Variants in LUZP2 observed in about 807,000 individuals in gnomAD.
LUZP2 encodes the protein leucine zipper protein 2.
In LUZP2, 52 loss-of-function variants were observed where a neutral mutation model predicts 51.6. That is an observed-to-expected ratio of 1.01 (90% CI 0.81 to 1.27). The LOEUF is 1.27. Among genes scored for constraint, LUZP2 ranks in the 50% most tolerant of loss-of-function variants. The pLI, the probability that LUZP2 is intolerant of heterozygous loss-of-function variation, is 0.00. For missense variants in LUZP2, 436 were observed against 395.4 expected, an observed-to-expected ratio of 1.10 and a Z score of -0.87; for synonymous variants, 154 against 137.3, an observed-to-expected ratio of 1.12 and a Z score of -0.85.
Position 24,833,316 on chromosome 11 carries a change from T to A in LUZP2, c.396+70008T>A, listed in dbSNP as rs528063038. 7.2e-5 allele frequency among the ~76,000 whole-genome samples: 11 copies of A among 152,278 alleles called. No homozygotes were observed. The South Asian group carries it at 8.3e-4, about 11-fold the overall frequency. Reference sequence around the variant, plus strand: ...GTAATGGTAGAACTCTGAAAGATAATATTCACCAAAACAACTGGGATTGCT... The same window carrying A: ...GTAATGGTAGAACTCTGAAAGATAAAATTCACCAAAACAACTGGGATTGCT... On this transcript the variant is annotated intron_variant, in intron 5 of 11. Transcript: ENST00000336930.
At position 24,763,021 on chromosome 11, in the gene LUZP2, A is replaced by G. The variant is rs887416094; in HGVS notation, c.334-225A>G. On this transcript the variant is annotated intron_variant, in intron 4 of 11. Coordinates refer to ENST00000336930, the MANE Select transcript of LUZP2 (RefSeq NM_001009909.4). The stretch of plus-strand genomic sequence containing the variant: ...TGTAGGGTTTCTCAATTTAAAAAAA[A>G]AATAATAAATAGTTTGTTAAATGAA... 7 of 752,308 alleles carry G rather than the reference A, an allele frequency of 9.3e-6. No homozygotes were observed. In the South Asian group the frequency reaches 4.2e-4, roughly 45 times the overall value. 46.6% of individuals were successfully genotyped at this position (752,308 alleles called of 1,614,324 possible).
At chr11:25,078,431 T>G (rs1046501143) in intron 11 of LUZP2, 123 bp from the exon 12 acceptor site, 13 of 696,266 alleles carry the variant, frequency 1.9e-5, no homozygotes, top group Non-Finnish European at 2.9e-5. Flanking sequence ...CCTGTGTTCA[T>G]TTTCTCTAAG....
chr11:24,575,967 T>C (rs1852632084), intron 1 of LUZP2, among the ~76,000 whole-genome samples: 3 of 152,198 alleles, frequency 2.0e-5, no homozygotes, highest in Admixed American at 2.0e-4. Context: ...ATTCAAATAA[T>C]TGAAAATCTT....
chr11:24,566,795 TA>T (rs1018156443), intron 1 of LUZP2, among the ~76,000 whole-genome samples: 2 of 146,284 alleles, frequency 1.4e-5, no homozygotes, highest in Non-Finnish European at 3.0e-5. Flanking sequence ...ATATAATGTA[TA>T]TATACATATT....
intron 9 of LUZP2, among the ~76,000 whole-genome samples, chr11:25,040,024 C>A (rs758368480): frequency 6.6e-6 from 1 of 151,916 alleles, no homozygotes; most frequent in Non-Finnish European, 1.5e-5. Context: ...CACCCTCACA[C>A]CCCCTCTATA....
In LUZP2 at chr11:25,001,719, A is replaced by G. The variant is rs1295956333; in HGVS notation, c.765+18426A>G. On this transcript the variant is annotated intron_variant, in intron 9 of 11. Transcript: ENST00000336930. Reference sequence around the variant, plus strand: ...TTTCTCTTTGACTTCATCTTTGTCTATCTCTTTCTCTCTTTCCTTCTTTGA... The same window carrying G: ...TTTCTCTTTGACTTCATCTTTGTCTGTCTCTTTCTCTCTTTCCTTCTTTGA... Among the ~76,000 whole-genome samples the G allele has an allele frequency of 3.3e-5, 5 of 151,058 alleles. No individual in the cohort carries two copies. In the East Asian group the frequency reaches 5.9e-4, roughly 18 times the overall value.
intron 1 of LUZP2, among the ~76,000 whole-genome samples, chr11:24,521,892 G>A (rs1024675331): frequency 6.6e-6 from 1 of 152,024 alleles, no homozygotes; most frequent in African/African-American, 2.4e-5. Flanking sequence ...GTTTCATAGC[G>A]AGCATGCATT....
intron 5 of LUZP2, among the ~76,000 whole-genome samples, chr11:24,798,444 A>G (rs1849607625): frequency 6.6e-6 from 1 of 151,906 alleles, no homozygotes; most frequent in Non-Finnish European, 1.5e-5. Context: ...CCATCCTTCC[A>G]CCTCAGCCTC....
chr11:24,537,134 A>G (rs959992061), intron 1 of LUZP2, among the ~76,000 whole-genome samples: 13 of 151,928 alleles, frequency 8.6e-5, no homozygotes, highest in Non-Finnish European at 1.8e-4. Context: ...ACAGATCACT[A>G]TAATGGAAAT....
At chr11:24,936,899 T>C (rs1854602101) in intron 7 of LUZP2, among the ~76,000 whole-genome samples, 1 of 152,194 alleles carries the variant, frequency 6.6e-6, no homozygotes, top group South Asian at 2.1e-4. Flanking sequence ...CCTGCTTCAG[T>C]CATTGCTACT....
At chr11:24,855,826 G>C (rs6484074) in intron 5 of LUZP2, among the ~76,000 whole-genome samples, 151,098 of 152,288 alleles carry the variant, frequency 0.99, 74,965 homozygotes, top group Middle Eastern at 1. Context: ...GCAAACTAAT[G>C]TTTGACAAAG....
intron 6 of LUZP2, among the ~76,000 whole-genome samples, chr11:24,913,827 G>A (rs917799951): frequency 5.3e-5 from 8 of 151,914 alleles, no homozygotes; most frequent in Non-Finnish European, 1.2e-4. Context: ...GTTAGTAATT[G>A]GGACTGTCCT....
At chr11:25,003,948 C>T (rs1401390763) in intron 9 of LUZP2, among the ~76,000 whole-genome samples, 2 of 152,164 alleles carry the variant, frequency 1.3e-5, no homozygotes, top group Non-Finnish European at 2.9e-5. Flanking sequence ...GGAGAAATAC[C>T]TGTTTACAGG....
At chr11:24,753,357 C>T (rs1414799715) in intron 4 of LUZP2, among the ~76,000 whole-genome samples, 2 of 152,122 alleles carry the variant, frequency 1.3e-5, no homozygotes, top group Non-Finnish European at 2.9e-5. Flanking sequence ...TAGTGTTCAT[C>T]CATGTAGGAA....
chr11:24,817,678 T>A (rs1850226389), intron 5 of LUZP2, among the ~76,000 whole-genome samples: 1 of 152,046 alleles, frequency 6.6e-6, no homozygotes, highest in Non-Finnish European at 1.5e-5. Flanking sequence ...AAATGAGGGA[T>A]TGGTATTTTT....
intron 10 of LUZP2, among the ~76,000 whole-genome samples, chr11:25,055,003 T>C (rs908208626): frequency 7.7e-6 from 1 of 129,932 alleles, no homozygotes; most frequent in African/African-American, 2.8e-5. Context: ...TAAATCTTTT[T>C]TTCTTTTCTT....
At chr11:24,833,425 G>C (rs1278969709) in intron 5 of LUZP2, among the ~76,000 whole-genome samples, 1 of 152,134 alleles carries the variant, frequency 6.6e-6, no homozygotes, top group Middle Eastern at 3.4e-3. Flanking sequence ...AAAAATATTC[G>C]TGCATTTTCT....
At chr11:24,530,812 A>T (rs1590144097) in intron 1 of LUZP2, among the ~76,000 whole-genome samples, 1 of 103,096 alleles carries the variant, frequency 9.7e-6, no homozygotes, top group African/African-American at 3.5e-5. Context: ...GACTTTCATG[A>T]CTTCACACTC....
intron 10 of LUZP2, among the ~76,000 whole-genome samples, chr11:25,073,969 C>A (rs550890925): frequency 6.6e-6 from 1 of 152,030 alleles, no homozygotes; most frequent in African/African-American, 2.4e-5. Context: ...CGAAGCCCAG[C>A]GAAAAATAAC....
Sources: gnomAD v4.1 joint callset for allele counts (sites outside exome capture counted in the v4.1 genomes callset) on GRCh38, gnomAD v4.1.1 for gene constraint, MANE v1.5 for transcripts, NCBI Gene and HGNC (gene_info 2026-07-23, HGNC 2026-07-21) for gene names.